The following BMP6 variants were observed in gnomAD, a reference collection of about 807,000 sequenced individuals.
BMP6 encodes bone morphogenetic protein 6.
In BMP6, 17 loss-of-function variants were observed where a neutral mutation model predicts 54.1. The ratio of observed to expected loss-of-function variants is 0.31; its 90% CI spans 0.22 to 0.47. BMP6 has a LOEUF of 0.47. BMP6 is among the 20% of genes least tolerant of loss of function. BMP6 has a pLI of 1.00. For missense variants in BMP6, 720 were observed against 690.4 expected, an observed-to-expected ratio of 1.04 and a Z score of -0.48; for synonymous variants, 328 against 291.2, an observed-to-expected ratio of 1.13 and a Z score of -1.28.
intron 1 of BMP6, among the ~76,000 whole-genome samples, chr6:7,770,881 T>C (rs1757773115): frequency 6.6e-6 from 1 of 152,246 alleles, no homozygotes; most frequent in African/African-American, 2.4e-5. Flanking sequence ...GCCTCCCTTA[T>C]TGAGTGAATC....
intron 2 of BMP6, among the ~76,000 whole-genome samples, chr6:7,860,536 C>G (rs1164378385): frequency 6.6e-6 from 1 of 152,186 alleles, no homozygotes; most frequent in Non-Finnish European, 1.5e-5. Flanking sequence ...CGTCATCCCA[C>G]AGCCCCTTGA....
intron 1 of BMP6, among the ~76,000 whole-genome samples, chr6:7,752,278 C>CA (rs1757437658): frequency 6.6e-6 from 1 of 152,170 alleles, no homozygotes; most frequent in Non-Finnish European, 1.5e-5. Context: ...AACTAGGTGG[C>CA]TGGCTCATGA....
At chr6:7,832,073 G>A (rs1427158522) in intron 1 of BMP6, among the ~76,000 whole-genome samples, 2 of 152,198 alleles carry the variant, frequency 1.3e-5, no homozygotes, top group Non-Finnish European at 2.9e-5. Flanking sequence ...TTGGTATAAG[G>A]TAGGGGTTTG....
chr6:7,808,126 T>A (rs746993621), intron 1 of BMP6, among the ~76,000 whole-genome samples: 1 of 152,064 alleles, frequency 6.6e-6, no homozygotes, highest in East Asian at 1.9e-4. Context: ...TTCACCGTGT[T>A]AGCCAGGATG....
At chr6:7,784,513 TGC>T (rs1757995049) in intron 1 of BMP6, among the ~76,000 whole-genome samples, 1 of 152,238 alleles carries the variant, frequency 6.6e-6, no homozygotes, top group South Asian at 2.1e-4. Context: ...CAAGTGTTAT[TGC>T]AAAATAAAGC....
At chr6:7,758,003 C>T (rs2113137064) in intron 1 of BMP6, among the ~76,000 whole-genome samples, 1 of 152,322 alleles carries the variant, frequency 6.6e-6, no homozygotes, top group Middle Eastern at 3.4e-3. Flanking sequence ...TAATTATCTT[C>T]ACAAGTTTCC....
Position 7,811,285 on chromosome 6 carries a change from C to T in BMP6, c.665-33855C>T, listed in dbSNP as rs576548378. On this transcript the variant is annotated intron_variant, in intron 1 of 6. Transcript: ENST00000283147. Reference sequence around the variant, plus strand: ...GTGAACAGAGCTGCTCCCCCAGGCCCCCTTGCTTCTGGCCCCAGAAGTCCA... The same window carrying T: ...GTGAACAGAGCTGCTCCCCCAGGCCTCCTTGCTTCTGGCCCCAGAAGTCCA... Among the ~76,000 whole-genome samples, 4 of 152,308 alleles carry T rather than the reference C, an allele frequency of 2.6e-5. No homozygotes were observed. The South Asian group carries it at 8.3e-4, about 32-fold the overall frequency.
intron 1 of BMP6, among the ~76,000 whole-genome samples, chr6:7,769,173 T>C (rs1449897783): frequency 1.3e-5 from 2 of 152,206 alleles, no homozygotes; most frequent in African/African-American, 2.4e-5. Context: ...TAAATGAGAC[T>C]GGCTAAAGGT....
At chr6:7,760,910 A>G (rs1337568308) in intron 1 of BMP6, among the ~76,000 whole-genome samples, 1 of 152,258 alleles carries the variant, frequency 6.6e-6, no homozygotes, top group Non-Finnish European at 1.5e-5. Context: ...CTCGTGCTGT[A>G]ATTAGTGAGT....
At chr6:7,762,193 A>G (rs768785065) in intron 1 of BMP6, among the ~76,000 whole-genome samples, 1 of 152,164 alleles carries the variant, frequency 6.6e-6, no homozygotes, top group Non-Finnish European at 1.5e-5. Flanking sequence ...AAGTGCTGGC[A>G]TTACAGGTCT....
intron 4 of BMP6, among the ~76,000 whole-genome samples, chr6:7,864,280 G>A (rs550086284): frequency 1.3e-5 from 2 of 152,278 alleles, no homozygotes; most frequent in East Asian, 1.9e-4. Flanking sequence ...TGTTTCCCTG[G>A]TTGCTACCCT....
chr6:7,737,940 G>A (rs1181404758), intron 1 of BMP6, among the ~76,000 whole-genome samples: 1 of 151,606 alleles, frequency 6.6e-6, no homozygotes, highest in Non-Finnish European at 1.5e-5. Context: ...CTAGTTCTTA[G>A]TATTATTCTT....
chr6:7,727,835 G>A (rs7748707), intron 1 of BMP6, among the ~76,000 whole-genome samples: 3,567 of 151,452 alleles, frequency 0.024, 123 homozygotes, highest in African/African-American at 0.08. Flanking sequence ...GCGCGCCGAG[G>A]CCCCCAGAGG....
rs773826264 is a variant in BMP6, at chr6:7,737,159, C to T, written c.664+9540C>T. On this transcript the variant is annotated intron_variant, in intron 1 of 6. Transcript: ENST00000283147. ...CAGGACTGCACCACTGCACTCCAGCCGGAGTGACAAAGCGAGACTCCATCT... is the reference window on the plus strand; with the variant it reads ...CAGGACTGCACCACTGCACTCCAGCTGGAGTGACAAAGCGAGACTCCATCT... 4.6e-5 allele frequency among the ~76,000 whole-genome samples: 7 copies of T among 151,342 alleles called. No individual in the cohort carries two copies. In the South Asian group the frequency reaches 6.3e-4, roughly 14 times the overall value.
chr6:7,855,549 CTCTCTTTTTTTT>C lies in BMP6; in HGVS notation c.858-5900_858-5889del, dbSNP rs1308164949. On this transcript the variant is annotated intron_variant, in intron 2 of 6. Coordinates refer to ENST00000283147, the MANE Select transcript of BMP6 (RefSeq NM_001718.6). Reference sequence around the variant, plus strand: ...CCACTTAATCTCAATCTCTCTCTCTCTCTCTTTTTTTTTTTTTTTTTTTTTTTTTTTGAGATG... The same window carrying C: ...CCACTTAATCTCAATCTCTCTCTCTCTTTTTTTTTTTTTTTTTTTGAGATG... 4.7e-3 allele frequency among the ~76,000 whole-genome samples: 546 copies of C among 115,340 alleles called. 7 individuals carry two copies. Among genetic ancestry groups the C allele is most frequent in the African/African-American group, 0.017 (513 of 29,648 alleles). 75.7% of individuals were successfully genotyped at this position (115,340 alleles called of 152,430 possible). A position where few individuals can be genotyped will look rare whatever the true frequency, so the allele number is the denominator to read the frequency against.
intron 1 of BMP6, among the ~76,000 whole-genome samples, chr6:7,767,191 G>T (rs7742456): frequency 0.6 from 91,261 of 151,544 alleles, 28,818 homozygotes; most frequent in Non-Finnish European, 0.72. Flanking sequence ...TTTCACCGCG[G>T]TCTCGATCTC....
intron 1 of BMP6, among the ~76,000 whole-genome samples, chr6:7,824,793 C>T (rs954260993): frequency 1.3e-5 from 2 of 152,318 alleles, no homozygotes; most frequent in Admixed American, 1.3e-4. Flanking sequence ...ATTCAATTCT[C>T]TTCCCTATAT....
chr6:7,875,734 A>G (rs1223014641), intron 4 of BMP6, among the ~76,000 whole-genome samples: 1 of 152,218 alleles, frequency 6.6e-6, no homozygotes, highest in African/African-American at 2.4e-5. Flanking sequence ...AAAATTAACT[A>G]TCACAGTGCT....
intron 1 of BMP6, among the ~76,000 whole-genome samples, chr6:7,842,007 T>C (rs547980209): frequency 2.8e-4 from 43 of 152,324 alleles, no homozygotes; most frequent in African/African-American, 1.0e-3. Context: ...CTCCCAGCAT[T>C]GCACAACACT....
Sources: gnomAD v4.1 joint callset for allele counts (sites outside exome capture counted in the v4.1 genomes callset) on GRCh38, gnomAD v4.1.1 for gene constraint, MANE v1.5 for transcripts, NCBI Gene and HGNC (gene_info 2026-07-23, HGNC 2026-07-21) for gene names.